The following FBXO8 variants were observed in gnomAD, a reference collection of about 807,000 sequenced individuals.
FBXO8 encodes the protein F-box only protein 8.
In FBXO8, 15 loss-of-function variants were observed where a neutral mutation model predicts 33.4. The ratio of observed to expected loss-of-function variants is 0.45; its 90% CI spans 0.30 to 0.69. FBXO8 has a LOEUF of 0.69. FBXO8 is among the 30% of genes least tolerant of loss of function. The pLI is 0.08. For synonymous variants in FBXO8, 132 were observed against 131.5 expected, an observed-to-expected ratio of 1.00 and a Z score of -0.02; for missense variants, 274 against 380.3, an observed-to-expected ratio of 0.72 and a Z score of 2.32.
At chr4:174,250,869 G>C (rs975930309) in intron 3 of FBXO8, among the ~76,000 whole-genome samples, 1 of 152,074 alleles carries the variant, frequency 6.6e-6, no homozygotes, top group Non-Finnish European at 1.5e-5. Context: ...AGACACCTTG[G>C]ACATTAAAGC....
In FBXO8 at chr4:174,254,021, T is replaced by C. The variant is rs1206459228; in HGVS notation, c.456+5678A>G. Among the ~76,000 whole-genome samples the C allele has an allele frequency of 1.3e-5, 2 of 152,120 alleles. No individual in the cohort carries two copies. Among genetic ancestry groups the C allele is most frequent in the African/African-American group, 4.8e-5 (2 of 41,420 alleles). ...CCAGGACTCTTTTGAAGTAAACAAA[T>C]GTAAAGGGTTTAAGTCACAGTTTAG... On this transcript the variant is annotated intron_variant, in intron 3 of 5. Transcript: ENST00000393674. This position sits in a 1 kb window ranked among gnomAD's most constrained non-coding sequence, Gnocchi z 4.2.
intron 3 of FBXO8, among the ~76,000 whole-genome samples, chr4:174,250,311 T>A (rs890513527): frequency 6.6e-6 from 1 of 152,042 alleles, no homozygotes; most frequent in Admixed American, 6.6e-5. Context: ...CAAGACATGC[T>A]GTAAACTTCC....
intron 1 of FBXO8, among the ~76,000 whole-genome samples, chr4:174,266,013 A>C (rs1320114164): frequency 6.6e-6 from 1 of 152,190 alleles, no homozygotes; most frequent in Non-Finnish European, 1.5e-5. Context: ...TGAAGTCTCA[A>C]TATTTAAAAC....
At position 174,257,771 on chromosome 4, in the gene FBXO8, T is replaced by C. The variant is rs1736450856; in HGVS notation, c.456+1928A>G. 6.6e-6 allele frequency among the ~76,000 whole-genome samples: 1 copy of C among 152,160 alleles called. No homozygotes were observed. The highest frequency in any genetic ancestry group is 1.5e-5 in the Non-Finnish European group (1 of 68,024). ...TTTATTATGATTATGATTATTATCA[T>C]TGAGACAGAGTCTCACTCTCACAAC... is the stretch of plus-strand genomic sequence containing the variant. On this transcript the variant is annotated intron_variant, in intron 3 of 5. Coordinates refer to ENST00000393674, the MANE Select transcript of FBXO8 (RefSeq NM_012180.3). This position sits in a 1 kb window ranked among gnomAD's most constrained non-coding sequence, Gnocchi z 4.3.
chr4:174,246,007 G>A (rs1736149192), intron 3 of FBXO8, among the ~76,000 whole-genome samples: 2 of 151,914 alleles, frequency 1.3e-5, no homozygotes, highest in African/African-American at 4.8e-5. Flanking sequence ...TAACTAGAAA[G>A]GCATAGTAGG....
At chr4:174,246,035 G>A (rs189098123) in intron 3 of FBXO8, among the ~76,000 whole-genome samples, 102 of 152,012 alleles carry the variant, frequency 6.7e-4, no homozygotes, top group African/African-American at 2.2e-3. Context: ...TAATGTAATA[G>A]GATATATTTT....
chr4:174,259,191 A>G lies in FBXO8; in HGVS notation c.456+508T>C, dbSNP rs1736485648. The stretch of plus-strand genomic sequence containing the variant: ...AATTAATACAAAATTATTCAATTTT[A>G]TAACAATCTATAAATAGTTCCTATG... On this transcript the variant is annotated intron_variant, in intron 3 of 5. Coordinates refer to ENST00000393674, the MANE Select transcript of FBXO8 (RefSeq NM_012180.3). This position sits in a 1 kb window ranked among gnomAD's most constrained non-coding sequence, Gnocchi z 4.3. 6.6e-6 allele frequency among the ~76,000 whole-genome samples: 1 copy of G among 152,120 alleles called. No homozygotes were observed.
chr4:174,279,189 C>A (rs1196802585), intron 1 of FBXO8, among the ~76,000 whole-genome samples: 1 of 151,936 alleles, frequency 6.6e-6, no homozygotes, highest in Non-Finnish European at 1.5e-5. Context: ...GACATAAAGT[C>A]AAGACACAGA....
At chr4:174,239,340 C>A in intron 4 of FBXO8, 150 bp from the exon 5 acceptor site, 1 of 432,896 alleles carries the variant, frequency 2.3e-6, no homozygotes, top group Non-Finnish European at 4.1e-6. Context: ...TAATTCCCAA[C>A]ATTAAAAAAT....
At chr4:174,280,981 TA>T (rs1470560552) in intron 1 of FBXO8, among the ~76,000 whole-genome samples, 1 of 152,158 alleles carries the variant, frequency 6.6e-6, no homozygotes, top group African/African-American at 2.4e-5. Flanking sequence ...TCAATGTAAT[TA>T]ATACCATTGA....
intron 3 of FBXO8, among the ~76,000 whole-genome samples, chr4:174,248,701 C>T (rs111261600): frequency 5.3e-5 from 8 of 151,978 alleles, no homozygotes; most frequent in Non-Finnish European, 1.2e-4. Context: ...TTACATTTAC[C>T]TTTCGTATAA....
chr4:174,254,497 T>G lies in FBXO8; in HGVS notation c.456+5202A>C, dbSNP rs1313931070. On this transcript the variant is annotated intron_variant, in intron 3 of 5. Coordinates refer to ENST00000393674, the MANE Select transcript of FBXO8 (RefSeq NM_012180.3). This position sits in a 1 kb window ranked among gnomAD's most constrained non-coding sequence, Gnocchi z 4.2. The stretch of plus-strand genomic sequence containing the variant: ...CAGGAGGTACTAAGATTTAAAAGAG[T>G]TAGTACAGAGAATGCGATACCAAGT... Among the ~76,000 whole-genome samples the G allele has an allele frequency of 6.6e-6, 1 of 152,096 alleles. No homozygotes were observed. Among genetic ancestry groups the G allele is most frequent in the Admixed American group, 6.6e-5 (1 of 15,260 alleles).
At chr4:174,279,302 T>C (rs556885839) in intron 1 of FBXO8, among the ~76,000 whole-genome samples, 2 of 152,112 alleles carry the variant, frequency 1.3e-5, no homozygotes, top group Admixed American at 1.3e-4. Context: ...TACTTAGGAA[T>C]TAACCAAGTA....
chr4:174,246,264 A>C (rs778421489), intron 3 of FBXO8, among the ~76,000 whole-genome samples: 1 of 151,298 alleles, frequency 6.6e-6, no homozygotes, highest in Non-Finnish European at 1.5e-5. Context: ...GAACATAAAC[A>C]ATCTACACAA....
At chr4:174,282,590 C>T (rs931896495) in intron 1 of FBXO8, among the ~76,000 whole-genome samples, 3 of 152,048 alleles carry the variant, frequency 2.0e-5, no homozygotes, top group Non-Finnish European at 4.4e-5. Context: ...GTGTGTAGAG[C>T]TCCTACCTCA....
intron 1 of FBXO8, among the ~76,000 whole-genome samples, chr4:174,279,637 G>T (rs1008432632): frequency 3.3e-5 from 5 of 151,948 alleles, no homozygotes; most frequent in Non-Finnish European, 5.9e-5. Context: ...GTATGGTATT[G>T]GCATAAAAAG....
rs1237494461 is a variant in FBXO8 at position 174,252,250 on chromosome 4, T to C, written c.456+7449A>G. 6.6e-6 allele frequency among the ~76,000 whole-genome samples: 1 copy of C among 152,140 alleles called. No individual in the cohort carries two copies. Among genetic ancestry groups the C allele is most frequent in the Non-Finnish European group, 1.5e-5 (1 of 68,034 alleles). On this transcript the variant is annotated intron_variant, in intron 3 of 5. Coordinates refer to ENST00000393674, the MANE Select transcript of FBXO8 (RefSeq NM_012180.3). The surrounding 1 kb of genome is among the most constrained non-coding windows in gnomAD (Gnocchi z 5.1). ...TCCCAAATTGCTAGGATGACAGGTGTGAGCCACTGACTGTACCCAGTTAGC... is the reference window on the plus strand; with the variant it reads ...TCCCAAATTGCTAGGATGACAGGTGCGAGCCACTGACTGTACCCAGTTAGC...
At position 174,262,618 on chromosome 4, in the gene FBXO8, A is replaced by AT. The variant is rs1736592954; in HGVS notation, c.329+145dup. 3 of 646,022 alleles carry AT rather than the reference A, an allele frequency of 4.6e-6. No homozygotes were observed. The highest frequency in any genetic ancestry group is 7.9e-6 in the Non-Finnish European group (3 of 379,918). The allele number at this position is 646,022 out of a possible 1,614,324, so 40.0% of individuals were successfully genotyped here. ...CAAATTTGACTGTGATGCTAACTGT[A>AT]TATTTTTCCAGGTTTTAATAAAGAG... On this transcript the variant is annotated intron_variant, in intron 2 of 5. Transcript: ENST00000393674. This position sits in a 1 kb window ranked among gnomAD's most constrained non-coding sequence, Gnocchi z 4.6.
At chr4:174,264,967 A>G (rs1383202930) in intron 1 of FBXO8, among the ~76,000 whole-genome samples, 1 of 152,146 alleles carries the variant, frequency 6.6e-6, no homozygotes, top group Non-Finnish European at 1.5e-5. Flanking sequence ...AAAGATCTGA[A>G]TAGACGCCTC....
Sources: allele counts gnomAD v4.1 joint callset (sites outside exome capture counted in the v4.1 genomes callset), GRCh38; gene constraint gnomAD v4.1.1; non-coding constraint Gnocchi (gnomAD v3.1); transcripts MANE v1.5; gene names NCBI Gene and HGNC (gene_info 2026-07-23, HGNC 2026-07-21).